SLIT3: variants seen among roughly 807,000 people sequenced by gnomAD.
The protein encoded by SLIT3 is slit homolog 3 protein.
SLIT3 carries 68 observed loss-of-function variants against 184.0 expected under a neutral mutation model. The observed-to-expected ratio is 0.37, with a 90% CI of 0.30 to 0.45. The LOEUF (loss-of-function observed/expected upper bound fraction) is 0.45, where lower values mean the gene tolerates loss of function less well. Among genes scored for constraint, SLIT3 ranks in the 20% least tolerant of loss-of-function variants. The pLI, the probability that SLIT3 is intolerant of heterozygous loss-of-function variation, is 1.00. For missense variants in SLIT3, 1,707 were observed against 2,026.0 expected, an observed-to-expected ratio of 0.84 and a Z score of 3.02; for synonymous variants, 831 against 828.6, an observed-to-expected ratio of 1.00 and a Z score of -0.05.
intron 4 of SLIT3, among the ~76,000 whole-genome samples, chr5:168,897,902 C>G (rs533605944): frequency 1.9e-4 from 28 of 150,530 alleles, no homozygotes; most frequent in African/African-American, 3.2e-4. Flanking sequence ...GACACCCCCC[C>G]ACCTTTGCAT....
At chr5:168,969,658 T>C (rs2113316454) in intron 4 of SLIT3, among the ~76,000 whole-genome samples, 1 of 152,300 alleles carries the variant, frequency 6.6e-6, no homozygotes, top group Admixed American at 6.5e-5. Context: ...TTCTGACAGG[T>C]TAGGAGCTGA....
intron 29 of SLIT3, among the ~76,000 whole-genome samples, chr5:168,688,070 T>C (rs1409522929): frequency 6.6e-6 from 1 of 152,180 alleles, no homozygotes; most frequent in Non-Finnish European, 1.5e-5. Flanking sequence ...GGCTCCTCTG[T>C]CTGGGGCAAC....
chr5:168,967,122 G>A (rs1426345056), intron 4 of SLIT3, among the ~76,000 whole-genome samples: 1 of 152,002 alleles, frequency 6.6e-6, no homozygotes, highest in Non-Finnish European at 1.5e-5. Flanking sequence ...CCATTAAAAA[G>A]GATGTTATTT....
At chr5:168,680,275 T>A (rs1190745880) in intron 32 of SLIT3, among the ~76,000 whole-genome samples, 1 of 152,266 alleles carries the variant, frequency 6.6e-6, no homozygotes, top group Non-Finnish European at 1.5e-5. Flanking sequence ...AACAGTGAAG[T>A]CTGTCCCCAT....
At chr5:168,816,344 G>A (rs985836255) in intron 8 of SLIT3, among the ~76,000 whole-genome samples, 3 of 152,070 alleles carry the variant, frequency 2.0e-5, no homozygotes, top group African/African-American at 4.8e-5. Flanking sequence ...CCGCCACCAC[G>A]TCCAGCTAAT....
At chr5:169,055,489 C>G (rs1482319801) in intron 4 of SLIT3, among the ~76,000 whole-genome samples, 1 of 152,094 alleles carries the variant, frequency 6.6e-6, no homozygotes, top group African/African-American at 2.4e-5. Flanking sequence ...ATTCAAGTAA[C>G]AGCAAAAAGG....
chr5:169,073,267 C>T (rs1419725148), intron 4 of SLIT3, among the ~76,000 whole-genome samples: 1 of 152,136 alleles, frequency 6.6e-6, no homozygotes, highest in African/African-American at 2.4e-5. Flanking sequence ...AGTAAGAGGA[C>T]AATCCTTAGC....
At chr5:168,807,189 A>G (rs148216887) in intron 8 of SLIT3, among the ~76,000 whole-genome samples, 1 of 152,342 alleles carries the variant, frequency 6.6e-6, no homozygotes, top group African/African-American at 2.4e-5. Context: ...CAGATTTTGA[A>G]GCCAGCTGTT....
chr5:169,262,043 G>C (rs935603638), intron 1 of SLIT3, among the ~76,000 whole-genome samples: 1 of 152,168 alleles, frequency 6.6e-6, no homozygotes, highest in Non-Finnish European at 1.5e-5. Context: ...TGAGAGCTTG[G>C]AAGCAGGTCC....
intron 20 of SLIT3, among the ~76,000 whole-genome samples, chr5:168,730,194 C>T (rs924808303): frequency 1.3e-5 from 2 of 151,626 alleles, no homozygotes; most frequent in African/African-American, 4.8e-5. Context: ...TAAATACATA[C>T]ACAACCAACA....
chr5:169,218,075 AAAG>A (rs1390883213), intron 3 of SLIT3, among the ~76,000 whole-genome samples: 1 of 152,336 alleles, frequency 6.6e-6, no homozygotes, highest in East Asian at 1.9e-4. Context: ...AGTAGTGAAG[AAAG>A]AAGAAGGTGT....
chr5:169,176,807 A>T (rs1217442826), intron 4 of SLIT3, among the ~76,000 whole-genome samples: 1 of 152,164 alleles, frequency 6.6e-6, no homozygotes, highest in Non-Finnish European at 1.5e-5. Flanking sequence ...CACAGGCTGT[A>T]GTCTGCCCAG....
At chr5:168,737,246 G>A (rs188656479) in intron 20 of SLIT3, among the ~76,000 whole-genome samples, 106 of 152,190 alleles carry the variant, frequency 7.0e-4, no homozygotes, top group Non-Finnish European at 1.2e-3. Context: ...TGAGGACCAA[G>A]TGCCACTGAG....
At chr5:168,888,526 C>A in intron 4 of SLIT3, among the ~76,000 whole-genome samples, 1 of 152,194 alleles carries the variant, frequency 6.6e-6, no homozygotes, top group South Asian at 2.1e-4. Context: ...AAGTCCTCAG[C>A]AGATTAAAAT....
At chr5:168,917,492 A>T (rs1761483461) in intron 4 of SLIT3, among the ~76,000 whole-genome samples, 1 of 152,230 alleles carries the variant, frequency 6.6e-6, no homozygotes, top group African/African-American at 2.4e-5. Context: ...ATGCTGAGGA[A>T]TTCCAACCAG....
chr5:169,151,648 C>A (rs1442739135), intron 4 of SLIT3, among the ~76,000 whole-genome samples: 1 of 152,226 alleles, frequency 6.6e-6, no homozygotes, highest in African/African-American at 2.4e-5. Flanking sequence ...AGTGAGATGA[C>A]TTGGCCATTT....
intron 4 of SLIT3, among the ~76,000 whole-genome samples, chr5:169,115,790 A>T (rs1215226106): frequency 6.6e-6 from 1 of 152,238 alleles, no homozygotes; most frequent in African/African-American, 2.4e-5. Context: ...GACTAGAGAG[A>T]TGAAGGAGCT....
chr5:168,768,298 G>A (rs759085926), intron 14 of SLIT3: 52 of 475,410 alleles, frequency 1.1e-4, no homozygotes, highest in Non-Finnish European at 1.8e-4. Flanking sequence ...GGACAGGAGC[G>A]CTCAGAGGAA....
At chr5:168,802,950 C>A (rs1756821057) in intron 9 of SLIT3, among the ~76,000 whole-genome samples, 1 of 152,208 alleles carries the variant, frequency 6.6e-6, no homozygotes, top group African/African-American at 2.4e-5. Flanking sequence ...CCCATGGCTA[C>A]AAGGCAGAGC....
Sources: gnomAD v4.1 joint callset for allele counts (sites outside exome capture counted in the v4.1 genomes callset) on GRCh38, gnomAD v4.1.1 for gene constraint, MANE v1.5 for transcripts, NCBI Gene and HGNC (gene_info 2026-07-23, HGNC 2026-07-21) for gene names.